Variants in LYZL4 observed in about 807,000 individuals in gnomAD.
The protein encoded by LYZL4 is lysozyme like 4.
LYZL4 carries 13 observed loss-of-function variants against 17.6 expected under a neutral mutation model. That is an observed-to-expected ratio of 0.74 (90% confidence interval 0.48 to 1.18). The LOEUF (loss-of-function observed/expected upper bound fraction) is 1.18. Among genes scored for constraint, LYZL4 ranks in the 50% most tolerant of loss-of-function variants. The pLI is 0.00. For synonymous variants in LYZL4, 64 were observed against 67.7 expected, an observed-to-expected ratio of 0.95 and a Z score of 0.27; for missense variants, 174 against 188.2, an observed-to-expected ratio of 0.92 and a Z score of 0.44.
intron 3 of LYZL4, among the ~76,000 whole-genome samples, 159 bp downstream of exon 3, chr3:42,406,687 A>G (rs925022169): frequency 6.6e-6 from 1 of 152,118 alleles, no homozygotes; most frequent in African/African-American, 2.4e-5. Flanking sequence ...TACCCCCAGC[A>G]GTGCAATGCT....
At chr3:42,361,184 T>C in the LYZL4 span, among the ~76,000 whole-genome samples, 1 of 152,186 alleles carries the variant, frequency 6.6e-6, no homozygotes, top group African/African-American at 2.4e-5. Flanking sequence ...TGTGTATATG[T>C]TCTTATTTCT....
chr3:42,386,394 C>T, the LYZL4 span, among the ~76,000 whole-genome samples: 7 of 15,012 alleles, frequency 4.7e-4, no homozygotes, highest in Admixed American at 2.2e-3. Flanking sequence ...TGAGCCACCA[C>T]GCCCCCCCCC....
At position 42,397,258 on chromosome 3, in the gene LYZL4, C is replaced by T. The variant is rs773443103; in HGVS notation, c.*7G>A. ...ACTGGTGAGTGCTGCAGGGGCCATG[C>T]AGGTGGCTACAGCTTGCAACCATCC... On this transcript the variant is annotated 3_prime_UTR_variant, in exon 5 of 5. Transcript: ENST00000287748. 4 of 1,555,030 alleles carry T rather than the reference C, an allele frequency of 2.6e-6. No individual in the cohort carries two copies. The African/African-American group carries it at 5.5e-5, about 21-fold the overall frequency.
the LYZL4 span, among the ~76,000 whole-genome samples, chr3:42,363,174 G>A: frequency 0.067 from 10,122 of 152,156 alleles, 431 homozygotes; most frequent in Middle Eastern, 0.1. Flanking sequence ...ATTATTCTAC[G>A]ATAAAATAAA....
intron 2 of LYZL4, 53 bp from the exon 3 acceptor site, chr3:42,407,051 C>G: frequency 6.2e-7 from 1 of 1,613,768 alleles, no homozygotes; most frequent in Non-Finnish European, 8.5e-7. Context: ...GTTGGGGATG[C>G]TTGGCCAGAG....
chr3:42,377,637 G>GTT, the LYZL4 span, among the ~76,000 whole-genome samples: 1 of 150,618 alleles, frequency 6.6e-6, no homozygotes, highest in African/African-American at 2.4e-5. Context: ...GTGTGTGTGT[G>GTT]TGTGTGTGTG....
chr3:42,407,126 A>G lies in LYZL4; in HGVS notation c.126T>C (p.Tyr42=), dbSNP rs1698770176. ...GGGCCTACTCACAGTTCTCAAGGCT[A>G]TAGCCCTCAAAATAATCCAGGCCTC... ...HDGGLDYFEG[Y]SLENWVCLAY... Residue 42 remains tyrosine (Y), a synonymous_variant, in exon 2 of 5, where the codon TAT becomes TAC. Transcript: ENST00000287748. 1.9e-6 allele frequency: 3 copies of G among 1,614,078 alleles called. No individual in the cohort carries two copies. Among genetic ancestry groups the G allele is most frequent in the East Asian group, 2.2e-5 (1 of 44,892 alleles).
At chr3:42,395,030 C>T (rs1375196903), downstream of LYZL4, among the ~76,000 whole-genome samples, 1 of 152,160 alleles carries the variant, frequency 6.6e-6, no homozygotes, top group Non-Finnish European at 1.5e-5. Context: ...AGTGCCACTG[C>T]CAGTAATTTT....
chr3:42,392,545 C>G (rs1360746951), downstream of LYZL4, among the ~76,000 whole-genome samples: 1 of 152,152 alleles, frequency 6.6e-6, no homozygotes, highest in Non-Finnish European at 1.5e-5. Flanking sequence ...TGTACAGCTA[C>G]TTGGGTGCAA....
At chr3:42,365,924 C>A in the LYZL4 span, among the ~76,000 whole-genome samples, 1 of 152,080 alleles carries the variant, frequency 6.6e-6, no homozygotes, top group African/African-American at 2.4e-5. Flanking sequence ...ACAAGTAAAA[C>A]AGCTACTTAG....
the LYZL4 span, among the ~76,000 whole-genome samples, chr3:42,382,565 AT>A: frequency 4.0e-5 from 6 of 151,840 alleles, no homozygotes; most frequent in African/African-American, 1.5e-4. Context: ...TATAACCCCA[AT>A]CATTATATTA....
chr3:42,378,098 C>T, the LYZL4 span, among the ~76,000 whole-genome samples: 1 of 152,114 alleles, frequency 6.6e-6, no homozygotes, highest in African/African-American at 2.4e-5. Flanking sequence ...TGAGCTGTTC[C>T]CAGGGGAGCA....
Position 42,407,017 on chromosome 3 carries a change from T to G in LYZL4, c.140-19A>C. ...CACACCCCTAAGATGGAACAGAAGG[T>G]GTGTGACTCTGAGGACAGCTGGAGT... is the stretch of plus-strand genomic sequence containing the variant. On this transcript the variant is annotated intron_variant, in intron 2 of 4. Coordinates refer to ENST00000287748, the MANE Select transcript of LYZL4 (RefSeq NM_144634.4). 3 of 1,613,924 alleles carry G rather than the reference T, an allele frequency of 1.9e-6. No individual in the cohort carries two copies. The highest frequency in any genetic ancestry group is 2.5e-6 in the Non-Finnish European group (3 of 1,179,934).
chr3:42,387,429 A>AT, the LYZL4 span, among the ~76,000 whole-genome samples: 1 of 152,194 alleles, frequency 6.6e-6, no homozygotes, highest in East Asian at 1.9e-4. Flanking sequence ...TAGGACATGT[A>AT]TTGCCTCTCA....
In LYZL4 at chr3:42,397,263, G is replaced by T. The variant is rs767903465; in HGVS notation, c.*2C>A. On this transcript the variant is annotated 3_prime_UTR_variant, in exon 5 of 5. Coordinates refer to ENST00000287748, the MANE Select transcript of LYZL4 (RefSeq NM_144634.4). ...TGAGTGCTGCAGGGGCCATGCAGGT[G>T]GCTACAGCTTGCAACCATCCAGCCA... is the stretch of plus-strand genomic sequence containing the variant. 1 of 1,560,440 alleles carries T rather than the reference G, an allele frequency of 6.4e-7. No individual in the cohort carries two copies. The highest frequency in any genetic ancestry group is 1.2e-5 in the South Asian group (1 of 84,520).
At chr3:42,362,744 A>G in the LYZL4 span, among the ~76,000 whole-genome samples, 2 of 152,250 alleles carry the variant, frequency 1.3e-5, no homozygotes, top group Non-Finnish European at 2.9e-5. Flanking sequence ...TTGGGGGGAC[A>G]TAAATATTCA....
chr3:42,369,508 A>C, the LYZL4 span, among the ~76,000 whole-genome samples: 1 of 152,244 alleles, frequency 6.6e-6, no homozygotes, highest in Non-Finnish European at 1.5e-5. Flanking sequence ...AGAGAGGAAA[A>C]TCACCAGTTG....
downstream of LYZL4, among the ~76,000 whole-genome samples, chr3:42,396,762 A>G (rs991421096): frequency 6.6e-6 from 1 of 152,208 alleles, no homozygotes; most frequent in Non-Finnish European, 1.5e-5. Flanking sequence ...GAAATGAGCA[A>G]CTGTCATTTG....
chr3:42,407,419 C>T (rs905053042), intron 1 of LYZL4, 76 bp from the exon 2 acceptor site: 2 of 793,382 alleles, frequency 2.5e-6, no homozygotes, highest in African/African-American at 3.5e-5. Flanking sequence ...CATGACACTT[C>T]TTCCCATCCT....
Sources: allele counts gnomAD v4.1 joint callset (sites outside exome capture counted in the v4.1 genomes callset), GRCh38; gene constraint gnomAD v4.1.1; transcripts MANE v1.5; gene names NCBI Gene and HGNC (gene_info 2026-07-23, HGNC 2026-07-21).